Variants in FANCB observed in about 807,000 individuals in gnomAD.
The protein encoded by FANCB is Fanconi anemia group B protein.
In FANCB, 5 loss-of-function variants were observed where a neutral mutation model predicts 38.9. The ratio of observed to expected loss-of-function variants is 0.13; its 90% CI spans 0.07 to 0.27. The LOEUF is 0.27. Ranked by LOEUF, FANCB falls within the 10% of genes least tolerant of loss-of-function variation. FANCB has a pLI of 1.00. For synonymous variants in FANCB, 236 were observed against 215.4 expected, an observed-to-expected ratio of 1.10 and a Z score of -0.84; for missense variants, 573 against 602.7, an observed-to-expected ratio of 0.95 and a Z score of 0.52.
At chrX:14,802,249 A>T in the FANCB span, among the ~76,000 whole-genome samples, 2 of 111,400 alleles carry the variant, frequency 1.8e-5, no homozygotes, top group Non-Finnish European at 3.8e-5. Context: ...TAGAGAAAAA[A>T]ATATATATGC....
At chrX:14,721,837 G>A in the FANCB span, among the ~76,000 whole-genome samples, 1 of 111,420 alleles carries the variant, frequency 9.0e-6, no homozygotes, top group Non-Finnish European at 1.9e-5. Context: ...AGCATCCTCA[G>A]TGCTCTATCT....
At chrX:14,792,950 T>A in the FANCB span, among the ~76,000 whole-genome samples, 1 of 111,937 alleles carries the variant, frequency 8.9e-6, no homozygotes, top group East Asian at 2.8e-4. Context: ...AAACATAACA[T>A]AAAATAAAAT....
chrX:14,793,168 T>C, the FANCB span, among the ~76,000 whole-genome samples: 1 of 112,404 alleles, frequency 8.9e-6, no homozygotes, highest in Non-Finnish European at 1.9e-5. Context: ...CTCACTGATA[T>C]GTAAAAAATT....
the FANCB span, among the ~76,000 whole-genome samples, chrX:14,830,077 C>G: frequency 3.6e-5 from 4 of 111,203 alleles, no homozygotes; most frequent in African/African-American, 1.3e-4. Flanking sequence ...TGATGTGTAT[C>G]GGGGAATAGG....
chrX:14,853,684 C>T (rs747477400), intron 5 of FANCB, among the ~76,000 whole-genome samples: 78 of 111,828 alleles, frequency 7.0e-4, no homozygotes, highest in Middle Eastern at 9.3e-3. Flanking sequence ...TTATAACAGC[C>T]CCCAAACTAT....
the FANCB span, among the ~76,000 whole-genome samples, chrX:14,788,557 G>T: frequency 8.9e-6 from 1 of 111,864 alleles, no homozygotes; most frequent in Non-Finnish European, 1.9e-5. Context: ...CTCTCTCTAG[G>T]GTTCCCTATA....
chrX:14,823,129 C>T, the FANCB span, among the ~76,000 whole-genome samples: 2 of 91,087 alleles, frequency 2.2e-5, no homozygotes, highest in South Asian at 1.2e-3. Context: ...GTTGCCCAGG[C>T]TGGAGTGCAG....
chrX:14,814,678 T>C, the FANCB span, among the ~76,000 whole-genome samples: 1 of 112,126 alleles, frequency 8.9e-6, no homozygotes, highest in Non-Finnish European at 1.9e-5. Flanking sequence ...ACAAAGGTGC[T>C]GGAGAGGATG....
chrX:14,709,760 C>A, the FANCB span, among the ~76,000 whole-genome samples: 1 of 111,677 alleles, frequency 9.0e-6, no homozygotes, highest in Non-Finnish European at 1.9e-5. Context: ...AGCTATACCC[C>A]CTCCTTACTC....
chrX:14,690,412 T>A, the FANCB span, among the ~76,000 whole-genome samples: 5 of 111,932 alleles, frequency 4.5e-5, no homozygotes, highest in African/African-American at 1.6e-4. Flanking sequence ...TATTTATTTG[T>A]AGTGAGAACA....
the FANCB span, among the ~76,000 whole-genome samples, chrX:14,703,831 C>T: frequency 5.9e-4 from 66 of 111,753 alleles, no homozygotes; most frequent in African/African-American, 2.1e-3. Flanking sequence ...CCCCATTTGG[C>T]AACCATGGTC....
At chrX:14,844,248 T>A (rs1306708740) in intron 9 of FANCB, among the ~76,000 whole-genome samples, 4 of 111,212 alleles carry the variant, frequency 3.6e-5, no homozygotes, top group Non-Finnish European at 7.5e-5. Context: ...TTTTTAAATT[T>A]TACTGTGGAG....
chrX:14,786,458 G>C, the FANCB span, among the ~76,000 whole-genome samples: 1 of 111,096 alleles, frequency 9.0e-6, no homozygotes, highest in Admixed American at 9.6e-5. Context: ...TCTAAAAGTG[G>C]TGGGGGTCTG....
rs1418831942 is a variant in FANCB at position 14,853,146 on chromosome X, C to T, written c.1219G>A (p.Glu407Lys). The change falls in exon 6 of 10, where the codon GAA becomes AAA. Residue 407 changes from glutamate to lysine, a missense_variant. Physicochemically the swap from Glu to Lys is moderately conservative, Grantham distance 56. Transcript: ENST00000650831. ...GLKVCFSSFR[E>K]LRQHLLLKEK... ...TTAAGCAACAGATGCTGCCGTAATT[C>T]CCGAAAAGAAGAAAAACAAACCTGT... 1.7e-6 allele frequency: 2 copies of T among 1,204,345 alleles called. No individual in the cohort carries two copies. Among genetic ancestry groups the T allele is most frequent in the Non-Finnish European group, 2.2e-6 (2 of 891,710 alleles).
At chrX:14,699,492 A>T in the FANCB span, among the ~76,000 whole-genome samples, 1 of 112,361 alleles carries the variant, frequency 8.9e-6, no homozygotes. Context: ...ATGGGGTACA[A>T]TGTGAGGTTT....
At chrX:14,825,553 G>A in the FANCB span, among the ~76,000 whole-genome samples, 1 of 111,848 alleles carries the variant, frequency 8.9e-6, no homozygotes, top group Non-Finnish European at 1.9e-5. Flanking sequence ...TAAACATTCC[G>A]ATGGTTTTCA....
chrX:14,777,338 A>C, the FANCB span, among the ~76,000 whole-genome samples: 1 of 111,966 alleles, frequency 8.9e-6, no homozygotes, highest in Non-Finnish European at 1.9e-5. Flanking sequence ...ACTTATCATC[A>C]CTTCAGGAGA....
intron 7 of FANCB, among the ~76,000 whole-genome samples, chrX:14,847,931 TC>T (rs974744394): frequency 1.8e-5 from 2 of 111,840 alleles, no homozygotes; most frequent in African/African-American, 6.5e-5. Flanking sequence ...CTAAAGAGGA[TC>T]TTAGGAACAA....
intron 2 of FANCB, among the ~76,000 whole-genome samples, chrX:14,866,815 C>A (rs1434398008): frequency 9.0e-6 from 1 of 111,315 alleles, no homozygotes; most frequent in African/African-American, 3.3e-5. Context: ...TTGCAGATGC[C>A]ATAATCTTAT....
Sources: gnomAD v4.1 joint callset for allele counts (sites outside exome capture counted in the v4.1 genomes callset) on GRCh38, gnomAD v4.1.1 for gene constraint, MANE v1.5 for transcripts, NCBI Gene and HGNC (gene_info 2026-07-23, HGNC 2026-07-21) for gene names.